Variants in PEX5L observed in about 807,000 individuals in gnomAD.
PEX5L encodes the protein peroxisomal biogenesis factor 5 like.
Under a neutral mutation model 84.0 loss-of-function variants are expected in PEX5L, and 30 were observed. The ratio of observed to expected loss-of-function variants is 0.36; its 90% CI spans 0.27 to 0.48. PEX5L has a LOEUF of 0.48. Ranked by LOEUF, PEX5L falls within the 20% of genes least tolerant of loss-of-function variation. PEX5L has a pLI of 0.99. For missense variants in PEX5L, 533 were observed against 754.6 expected, an observed-to-expected ratio of 0.71 and a Z score of 3.44; for synonymous variants, 270 against 283.1, an observed-to-expected ratio of 0.95 and a Z score of 0.46.
At chr3:179,871,051 G>C (rs531523690) in intron 7 of PEX5L, among the ~76,000 whole-genome samples, 1 of 151,120 alleles carries the variant, frequency 6.6e-6, no homozygotes, top group South Asian at 2.1e-4. Context: ...GTTGGCTTGA[G>C]AGAGAAGAAA....
At chr3:180,033,671 G>A (rs1791654304) in intron 1 of PEX5L, among the ~76,000 whole-genome samples, 1 of 152,144 alleles carries the variant, frequency 6.6e-6, no homozygotes, top group African/African-American at 2.4e-5. Flanking sequence ...CAGAACCGAT[G>A]CTAAAGTATA....
At chr3:179,829,583 A>G (rs1006107835) in intron 8 of PEX5L, among the ~76,000 whole-genome samples, 4 of 152,204 alleles carry the variant, frequency 2.6e-5, no homozygotes, top group Non-Finnish European at 4.4e-5. Context: ...TACTTGGCTT[A>G]GAACACAGAA....
chr3:179,864,379 G>A (rs1376091676), intron 7 of PEX5L, among the ~76,000 whole-genome samples: 4 of 152,100 alleles, frequency 2.6e-5, no homozygotes, highest in Non-Finnish European at 5.9e-5. Context: ...ACTCATTTAT[G>A]ACAACATGAA....
rs7618937 is a variant in PEX5L, at chr3:179,955,222, T to G, written c.93+16372A>C. Among the ~76,000 whole-genome samples the G allele has an allele frequency of 3.2e-3, 484 of 152,268 alleles. 3 individuals are homozygous for G. Among genetic ancestry groups the G allele is most frequent in the African/African-American group, 0.011 (474 of 41,560 alleles). ...CATGTTTCTAAATAAGGAAGAATAA[T>G]AAGAACTAATTTGTGGTTACTAACC... On this transcript the variant is annotated intron_variant, in intron 2 of 14. Coordinates refer to ENST00000467460, the MANE Select transcript of PEX5L (RefSeq NM_016559.3).
chr3:179,900,811 G>T, intron 2 of PEX5L: 1 of 915,258 alleles, frequency 1.1e-6, no homozygotes, highest in Non-Finnish European at 1.7e-6. Flanking sequence ...TGGCTTTTGC[G>T]ATAATACCCC....
At chr3:179,811,002 T>C (rs1302465543) in intron 11 of PEX5L, among the ~76,000 whole-genome samples, 2 of 152,066 alleles carry the variant, frequency 1.3e-5, no homozygotes, top group African/African-American at 2.4e-5. Flanking sequence ...CTCTCATCTG[T>C]AGGAAAAGGC....
At chr3:179,992,363 A>G (rs1787462284) in intron 1 of PEX5L, among the ~76,000 whole-genome samples, 1 of 152,216 alleles carries the variant, frequency 6.6e-6, no homozygotes, top group Non-Finnish European at 1.5e-5. Context: ...GATTTACTTA[A>G]CGTCACACAA....
chr3:180,026,337 A>T (rs1000573216), intron 1 of PEX5L, among the ~76,000 whole-genome samples: 44 of 151,992 alleles, frequency 2.9e-4, no homozygotes, highest in Admixed American at 1.0e-3. Flanking sequence ...GTCTTACATA[A>T]ATCTTCCTAA....
chr3:179,943,299 C>T (rs1776657982), intron 2 of PEX5L, among the ~76,000 whole-genome samples: 1 of 152,206 alleles, frequency 6.6e-6, no homozygotes, highest in Non-Finnish European at 1.5e-5. Flanking sequence ...ACAAATCATT[C>T]CATCTCTTAG....
intron 1 of PEX5L, among the ~76,000 whole-genome samples, chr3:179,987,949 AG>A (rs1160316582): frequency 6.6e-6 from 1 of 152,176 alleles, no homozygotes; most frequent in Non-Finnish European, 1.5e-5. Context: ...TTTTTCTCAT[AG>A]GGCTTGCCAT....
chr3:179,822,032 T>C (rs150765677), intron 8 of PEX5L, among the ~76,000 whole-genome samples: 2 of 152,344 alleles, frequency 1.3e-5, no homozygotes, highest in South Asian at 2.1e-4. Context: ...AATTATTAGA[T>C]ACTAAAAACT....
chr3:179,816,593 C>T (rs977132091), intron 9 of PEX5L, among the ~76,000 whole-genome samples: 10 of 150,966 alleles, frequency 6.6e-5, no homozygotes, highest in South Asian at 2.1e-4. Context: ...GTTGAGGGGT[C>T]GGGGGCTAGG....
intron 9 of PEX5L, among the ~76,000 whole-genome samples, chr3:179,818,644 C>T (rs1244498301): frequency 6.6e-6 from 1 of 151,698 alleles, no homozygotes; most frequent in Admixed American, 6.6e-5. Flanking sequence ...ATTCTACCCT[C>T]CATTCACATG....
chr3:179,813,584 C>T (rs1313686988), intron 10 of PEX5L, among the ~76,000 whole-genome samples: 4 of 152,016 alleles, frequency 2.6e-5, no homozygotes, highest in African/African-American at 9.7e-5. Flanking sequence ...CTGCAACCTC[C>T]GCCTCCTGGT....
intron 1 of PEX5L, among the ~76,000 whole-genome samples, chr3:180,026,313 A>G (rs1023688456): frequency 6.6e-6 from 1 of 151,972 alleles, no homozygotes; most frequent in African/African-American, 2.4e-5. Flanking sequence ...CAAGCTTAAG[A>G]AGACTTTCTT....
At chr3:179,928,189 C>T (rs372990332) in intron 2 of PEX5L, among the ~76,000 whole-genome samples, 126 of 152,284 alleles carry the variant, frequency 8.3e-4, no homozygotes, top group East Asian at 2.3e-3. Flanking sequence ...CCAGTTTGCA[C>T]GCTTACAGGA....
intron 1 of PEX5L, among the ~76,000 whole-genome samples, chr3:180,020,194 T>C (rs1790306318): frequency 6.6e-6 from 1 of 152,176 alleles, no homozygotes; most frequent in Non-Finnish European, 1.5e-5. Flanking sequence ...AAATAACAGA[T>C]GATTATCATT....
Position 180,028,197 on chromosome 3 carries a change from CT to C in PEX5L, c.21+8381del, listed in dbSNP as rs548316704. ...TCATTCTTATTTGAGTCACTTTTTA[CT>C]CTGGAGATTGCAAAATGGTAATTTT... On this transcript the variant is annotated intron_variant, in intron 1 of 14. Transcript: ENST00000467460. Among the ~76,000 whole-genome samples, 563 of 152,268 alleles carry C rather than the reference CT, an allele frequency of 3.7e-3. 5 individuals carry two copies. The highest frequency in any genetic ancestry group is 0.013 in the African/African-American group (543 of 41,560).
intron 1 of PEX5L, among the ~76,000 whole-genome samples, chr3:180,016,808 T>C (rs1789986459): frequency 6.6e-6 from 1 of 152,254 alleles, no homozygotes; most frequent in Non-Finnish European, 1.5e-5. Context: ...TTTGCATTTA[T>C]ATTTGAACAT....
Sources: gnomAD v4.1 joint callset for allele counts (sites outside exome capture counted in the v4.1 genomes callset) on GRCh38, gnomAD v4.1.1 for gene constraint, MANE v1.5 for transcripts, NCBI Gene and HGNC (gene_info 2026-07-23, HGNC 2026-07-21) for gene names.